NAALADL2: variants seen among roughly 807,000 people sequenced by gnomAD.
The protein encoded by NAALADL2 is N-acetylated alpha-linked acidic dipeptidase like 2, also known as inactive N-acetylated-alpha-linked acidic dipeptidase-like protein 2.
Under a neutral mutation model 87.2 loss-of-function variants are expected in NAALADL2, and 76 were observed. That is an observed-to-expected ratio of 0.87 (90% CI 0.72 to 1.05). The LOEUF (loss-of-function observed/expected upper bound fraction) is 1.05. Among genes scored for constraint, NAALADL2 ranks in the 50% least tolerant of loss-of-function variants. The pLI is 0.00. For synonymous variants in NAALADL2, 354 were observed against 331.0 expected (o/e 1.07, Z -0.75); for missense variants, 1,089 against 945.8 (o/e 1.15, Z -1.99).
intron 1 of NAALADL2, among the ~76,000 whole-genome samples, chr3:174,883,731 T>C (rs1408348979): frequency 1.3e-5 from 2 of 152,188 alleles, no homozygotes; most frequent in African/African-American, 4.8e-5. Flanking sequence ...TGTATTCCCT[T>C]TGCCTTCAGC....
intron 2 of NAALADL2, among the ~76,000 whole-genome samples, chr3:175,128,925 ATT>A (rs200656722): frequency 6.6e-6 from 1 of 151,072 alleles, no homozygotes; most frequent in Non-Finnish European, 1.5e-5. Flanking sequence ...CTAGTTACCA[ATT>A]TTTTTTTGTT....
At chr3:174,716,457 TAC>T (rs2108935053) in intron 2 of NAALADL2, among the ~76,000 whole-genome samples, 2 of 152,250 alleles carry the variant, frequency 1.3e-5, no homozygotes, top group African/African-American at 4.8e-5. Context: ...TCCAAATTAA[TAC>T]AGTCTATATC....
chr3:175,600,691 C>A (rs1722859479), intron 10 of NAALADL2, among the ~76,000 whole-genome samples: 1 of 151,584 alleles, frequency 6.6e-6, no homozygotes, highest in Non-Finnish European at 1.5e-5. Context: ...GCGCCCGCTA[C>A]CACGCCCGGC....
rs529284437 is a variant in NAALADL2, at chr3:174,589,334, C to T, written c.-115+38697C>T. Among the ~76,000 whole-genome samples, 7 of 152,320 alleles carry T rather than the reference C, an allele frequency of 4.6e-5. No homozygotes were observed. The South Asian group carries it at 6.2e-4, about 14-fold the overall frequency. On this transcript the variant is annotated intron_variant, in intron 2 of 3. Transcript: ENST00000434257. ...GACCCCTTGTGCTTCCCGGCTGAGG[C>T]GATGCCCTGCCTTGCTTCAGCTCAC... is the stretch of plus-strand genomic sequence containing the variant.
chr3:175,113,765 A>T (rs767452944), intron 2 of NAALADL2, among the ~76,000 whole-genome samples: 1 of 151,558 alleles, frequency 6.6e-6, no homozygotes, highest in Non-Finnish European at 1.5e-5. Context: ...AATTTTTTTT[A>T]TGCTGGACAA....
intron 2 of NAALADL2, among the ~76,000 whole-genome samples, chr3:174,593,207 T>G (rs1179731798): frequency 1.3e-5 from 2 of 152,208 alleles, no homozygotes; most frequent in East Asian, 3.8e-4. Flanking sequence ...TCTAAATTGC[T>G]AAATAAGTTA....
At chr3:175,642,796 G>A (rs893531207) in intron 11 of NAALADL2, among the ~76,000 whole-genome samples, 2 of 152,204 alleles carry the variant, frequency 1.3e-5, no homozygotes, top group South Asian at 2.1e-4. Context: ...CACCGCGCCC[G>A]GCCGCAAATC....
At chr3:175,572,199 C>G (rs990706757) in intron 9 of NAALADL2, among the ~76,000 whole-genome samples, 2 of 152,038 alleles carry the variant, frequency 1.3e-5, no homozygotes, top group Admixed American at 1.3e-4. Flanking sequence ...TTTTCCCTCC[C>G]TTTGGGCTTG....
intron 2 of NAALADL2, among the ~76,000 whole-genome samples, chr3:175,178,974 A>T (rs1239587987): frequency 6.6e-6 from 1 of 152,018 alleles, no homozygotes; most frequent in Non-Finnish European, 1.5e-5. Flanking sequence ...AGAATTGTGA[A>T]TTCTTACAGA....
At chr3:175,399,101 T>C (rs923769200) in intron 5 of NAALADL2, among the ~76,000 whole-genome samples, 2 of 152,082 alleles carry the variant, frequency 1.3e-5, no homozygotes, top group Non-Finnish European at 2.9e-5. Context: ...TACTTTCTTT[T>C]ACCTAAGTTA....
chr3:174,788,067 T>A (rs962177004), intron 3 of NAALADL2, among the ~76,000 whole-genome samples: 1 of 152,104 alleles, frequency 6.6e-6, no homozygotes, highest in African/African-American at 2.4e-5. Flanking sequence ...TCCTTGATGT[T>A]CTCTAGAGAA....
chr3:175,790,316 C>CCA (rs1293581708), intron 13 of NAALADL2, among the ~76,000 whole-genome samples: 1 of 152,036 alleles, frequency 6.6e-6, no homozygotes, highest in Admixed American at 6.5e-5. Flanking sequence ...CAAGTCACTA[C>CCA]CACCAGTTCA....
intron 9 of NAALADL2, among the ~76,000 whole-genome samples, chr3:175,567,604 T>G (rs1420564739): frequency 6.6e-6 from 1 of 152,182 alleles, no homozygotes; most frequent in African/African-American, 2.4e-5. Context: ...TCACTAAAGC[T>G]GAAAATACTT....
In NAALADL2 at chr3:174,481,400, G is replaced by T. The variant is rs78561944; in HGVS notation, c.-184+40368G>T. Among the ~76,000 whole-genome samples, 1,456 of 152,192 alleles carry T rather than the reference G, an allele frequency of 9.6e-3. 30 individuals carry two copies. The highest frequency in any genetic ancestry group is 0.034 in the African/African-American group (1,404 of 41,524). ...GTTGTGTCACATATGGTTCTAAGTT[G>T]CAAGCAACAGAAATCACTTCTGACT... On this transcript the variant is annotated intron_variant, in intron 1 of 3. Transcript: ENST00000434257.
intron 3 of NAALADL2, among the ~76,000 whole-genome samples, chr3:174,759,891 G>A (rs1712682820): frequency 6.6e-6 from 1 of 152,042 alleles, no homozygotes; most frequent in African/African-American, 2.4e-5. Context: ...AGTAGACATG[G>A]GGTTTTGCCA....
At chr3:175,574,330 G>C (rs1582461393) in intron 9 of NAALADL2, among the ~76,000 whole-genome samples, 1 of 152,254 alleles carries the variant, frequency 6.6e-6, no homozygotes, top group East Asian at 1.9e-4. Flanking sequence ...AGCTTAAATA[G>C]GGAAAATTCC....
chr3:174,873,071 G>T (rs1040378171), intron 1 of NAALADL2, among the ~76,000 whole-genome samples: 2 of 151,976 alleles, frequency 1.3e-5, no homozygotes, highest in African/African-American at 4.8e-5. Context: ...AAATCCAGTG[G>T]TTAAAGAATC....
At chr3:174,853,342 C>T (rs1008189094) in intron 3 of NAALADL2, among the ~76,000 whole-genome samples, 1 of 142,878 alleles carries the variant, frequency 7.0e-6, no homozygotes. Context: ...CATGCCACTG[C>T]ACTCCAGCCT....
chr3:175,472,979 T>A (rs748666801), intron 9 of NAALADL2, among the ~76,000 whole-genome samples: 2 of 152,148 alleles, frequency 1.3e-5, no homozygotes, highest in African/African-American at 4.8e-5. Flanking sequence ...TGATCTCAAG[T>A]ATCCAGAAAT....
Sources: allele counts gnomAD v4.1 joint callset (sites outside exome capture counted in the v4.1 genomes callset), GRCh38; gene constraint gnomAD v4.1.1; transcripts MANE v1.5; gene names NCBI Gene and HGNC (gene_info 2026-07-23, HGNC 2026-07-21).